U2SURP: variants seen among roughly 807,000 people sequenced by gnomAD.
U2SURP encodes U2 snRNP associated SURP domain containing, also known as U2 snRNP-associated SURP motif-containing protein.
U2SURP carries 9 observed loss-of-function variants against 144.9 expected under a neutral mutation model. The ratio of observed to expected loss-of-function variants is 0.06; its 90% confidence interval spans 0.04 to 0.11. The LOEUF is 0.11. Ranked by LOEUF, U2SURP falls within the 10% of genes least tolerant of loss-of-function variation. U2SURP has a pLI of 1.00. For missense variants in U2SURP, 724 were observed against 1,226.7 expected (o/e 0.59, Z 6.12); for synonymous variants, 408 against 396.8 (o/e 1.03, Z -0.33).
chr3:143,051,138 A>G, intron 25 of U2SURP, 89 bp downstream of exon 25: 1 of 727,936 alleles, frequency 1.4e-6, no homozygotes, highest in Non-Finnish European at 2.2e-6. Flanking sequence ...GATGATTTCA[A>G]ATTATATCCT....
chr3:143,032,851 A>G lies in U2SURP; in HGVS notation c.1678A>G (p.Met560Val), dbSNP rs1933585976. 1 of 1,613,708 alleles carries G rather than the reference A, an allele frequency of 6.2e-7. No homozygotes were observed. Among genetic ancestry groups the G allele is most frequent in the Non-Finnish European group, 8.5e-7 (1 of 1,179,720 alleles). The change falls in exon 17 of 28, where the codon ATG becomes GTG. Residue 560 changes from methionine (M) to valine (V), a missense_variant. Coordinates refer to ENST00000473835, the MANE Select transcript of U2SURP (RefSeq NM_001080415.2). Reference sequence around the variant, plus strand: ...AAGGAAAAATGATATTGGAGATGCAATGGTTTTCTGTCTTAATAATGCTGA... The same window carrying G: ...AAGGAAAAATGATATTGGAGATGCAGTGGTTTTCTGTCTTAATAATGCTGA... ...TPRKNDIGDA[M>V]VFCLNNAEAA...
rs1474969079 is a variant in U2SURP at position 143,058,654 on chromosome 3, A to G, written c.*2204A>G. The stretch of plus-strand genomic sequence containing the variant: ...ATGACAAATTACCTAGAGTAAACCT[A>G]CTTAATACTCCCATGGATTCTATGA... On this transcript the variant is annotated 3_prime_UTR_variant, in exon 28 of 28. Coordinates refer to ENST00000473835, the MANE Select transcript of U2SURP (RefSeq NM_001080415.2). The G allele has an allele frequency of 6.6e-6, 1 of 151,850 alleles. No individual in the cohort carries two copies. The highest frequency in any genetic ancestry group is 2.4e-5 in the African/African-American group (1 of 41,426). The allele number at this position is 151,850 out of a possible 1,614,324, so 9.4% of individuals were successfully genotyped here. A position where few individuals can be genotyped will look rare whatever the true frequency, so the allele number is the denominator to read the frequency against.
intron 20 of U2SURP, 149 bp from the exon 21 acceptor site, chr3:143,037,030 C>T: frequency 1.4e-6 from 1 of 738,502 alleles, no homozygotes; most frequent in Non-Finnish European, 2.1e-6. Context: ...GCTTCTTTAG[C>T]AAACTGGATG....
chr3:143,007,799 G>T (rs1433436214), intron 1 of U2SURP, among the ~76,000 whole-genome samples: 1 of 152,262 alleles, frequency 6.6e-6, no homozygotes, highest in East Asian at 1.9e-4. Flanking sequence ...AAAATAAAAA[G>T]CCAAACTCAA....
intron 23 of U2SURP, among the ~76,000 whole-genome samples, chr3:143,040,937 C>G (rs72990813): frequency 6.6e-6 from 1 of 151,674 alleles, no homozygotes; most frequent in Non-Finnish European, 1.5e-5. Context: ...TTCTGTGACA[C>G]GTTTTTCATT....
chr3:143,036,178 G>T, intron 20 of U2SURP, 74 bp downstream of exon 20: 1 of 1,445,310 alleles, frequency 6.9e-7, no homozygotes. Context: ...GTTGTTCTGT[G>T]TTACATATGT....
In U2SURP at chr3:143,055,112, G is replaced by A. The variant is rs1184091835; in HGVS notation, c.2944G>A (p.Ala982Thr). The change falls in exon 27 of 28, where the codon GCC becomes ACC. Residue 982 changes from alanine to threonine, a missense_variant. Around this residue, in one of 13 missense-constraint regions of U2SURP, gnomAD observed 129 missense variants for 196.1 expected, o/e 0.66. Coordinates refer to ENST00000473835, the MANE Select transcript of U2SURP (RefSeq NM_001080415.2). The stretch of plus-strand genomic sequence containing the variant: ...TTCTCCTAGAGATGTTAGCAAAAAA[G>A]CCAAAAGGTAAATGCAAGTCATTTT... ...KDSPRDVSKKAKRSPSGSRTP... is the reference protein window; with the variant it reads ...KDSPRDVSKKTKRSPSGSRTP... 6.3e-7 allele frequency: 1 copy of A among 1,589,040 alleles called. No homozygotes were observed. Among genetic ancestry groups the A allele is most frequent in the Admixed American group, 1.8e-5 (1 of 54,958 alleles).
In U2SURP at chr3:143,001,599, G is replaced by A; in HGVS notation, c.-30G>A. On this transcript the variant is annotated 5_prime_UTR_variant, in exon 1 of 28. Transcript: ENST00000473835. ...CGGTGCTCGACTCGCCCGTGCTGCT[G>A]CCGCCGCCGAAGGAGGGGCAAAGCT... 6.2e-7 allele frequency: 1 copy of A among 1,613,322 alleles called. No individual in the cohort carries two copies. Among genetic ancestry groups the A allele is most frequent in the Non-Finnish European group, 8.5e-7 (1 of 1,179,656 alleles).
rs1320654013 is a variant in U2SURP at position 143,047,040 on chromosome 3, C to T, written c.2544+3764C>T. Among the ~76,000 whole-genome samples, 35 of 125,994 alleles carry T rather than the reference C, an allele frequency of 2.8e-4. 1 individual carries two copies. The highest frequency in any genetic ancestry group is 2.4e-3 in the South Asian group (9 of 3,820). 82.7% of individuals were successfully genotyped at this position (125,994 alleles called of 152,430 possible). A position where few individuals can be genotyped will look rare whatever the true frequency, so the allele number is the denominator to read the frequency against. ...CTCCTGGATGGGGCGGCTGGCCAGG[C>T]GGGGGACTGACCCCCCCACCTCCCT... On this transcript the variant is annotated intron_variant, in intron 24 of 27. Transcript: ENST00000473835.
rs1172710210 is a variant in U2SURP at position 143,058,983 on chromosome 3, T to C, written c.*2533T>C. The C allele has an allele frequency of 3.9e-5, 6 of 151,910 alleles. No homozygotes were observed. Among genetic ancestry groups the C allele is most frequent in the Non-Finnish European group, 7.4e-5 (5 of 67,796 alleles). The allele number at this position is 151,910 out of a possible 1,614,324, so 9.4% of individuals were successfully genotyped here. A position where few individuals can be genotyped will look rare whatever the true frequency, so the allele number is the denominator to read the frequency against. The stretch of plus-strand genomic sequence containing the variant: ...TTAATGTTTATACACAGGGATTGTT[T>C]ACTAGGTTAATGACATTTAACTCCC... On this transcript the variant is annotated 3_prime_UTR_variant, in exon 28 of 28. Transcript: ENST00000473835.
Position 143,008,923 on chromosome 3 carries a change from AT to A in U2SURP, c.46-1887del, listed in dbSNP as rs1485588350. ...CTACAGGCGCCTGGCTAATTTTTGTATTTTTAGTAGAGATGGGGTTTCACCA... is the reference window on the plus strand; with the variant it reads ...CTACAGGCGCCTGGCTAATTTTTGTATTTTAGTAGAGATGGGGTTTCACCA... On this transcript the variant is annotated intron_variant, in intron 1 of 27. Coordinates refer to ENST00000473835, the MANE Select transcript of U2SURP (RefSeq NM_001080415.2). Among the ~76,000 whole-genome samples the A allele has an allele frequency of 2.0e-5, 3 of 151,998 alleles. No individual in the cohort carries two copies. In the East Asian group the frequency reaches 5.8e-4, roughly 30 times the overall value.
Position 143,056,567 on chromosome 3 carries a change from T to C in U2SURP, c.*117T>C. 1 of 1,247,222 alleles carries C rather than the reference T, an allele frequency of 8.0e-7. No homozygotes were observed. The highest frequency in any genetic ancestry group is 1.1e-6 in the Non-Finnish European group (1 of 908,964). The allele number at this position is 1,247,222 out of a possible 1,614,324, so 77.3% of individuals were successfully genotyped here. A position where few individuals can be genotyped will look rare whatever the true frequency, so the allele number is the denominator to read the frequency against. ...AAGAGCATTCCTGGGGTTTTTTGTT[T>C]GTTTGTGTATGCATGTGTAAACTCA... On this transcript the variant is annotated 3_prime_UTR_variant, in exon 28 of 28. Transcript: ENST00000473835.
chr3:143,054,020 T>G (rs1315646806), intron 26 of U2SURP, among the ~76,000 whole-genome samples: 1 of 152,210 alleles, frequency 6.6e-6, no homozygotes, highest in African/African-American at 2.4e-5. Flanking sequence ...TATGGTATCC[T>G]TAGCCTTAGT....
chr3:143,029,552 C>T (rs1384007283), intron 16 of U2SURP, among the ~76,000 whole-genome samples: 1 of 152,208 alleles, frequency 6.6e-6, no homozygotes, highest in Non-Finnish European at 1.5e-5. Context: ...CAGTGACTAG[C>T]TGTTTTCCCT....
rs1305889258 is a variant in U2SURP, at chr3:143,057,672, G to C, written c.*1222G>C. 6.6e-6 allele frequency: 1 copy of C among 151,156 alleles called. No homozygotes were observed. Among genetic ancestry groups the C allele is most frequent in the Non-Finnish European group, 1.5e-5 (1 of 67,702 alleles). The allele number at this position is 151,156 out of a possible 1,614,324, so 9.4% of individuals were successfully genotyped here. On this transcript the variant is annotated 3_prime_UTR_variant, in exon 28 of 28. Transcript: ENST00000473835. ...ACTGACACTATTATTTGTGAATCTT[G>C]ATTTCAGTTTTTTATGTAGGCACTT...
chr3:143,053,865 A>T, intron 26 of U2SURP, 71 bp downstream of exon 26: 1 of 1,241,090 alleles, frequency 8.1e-7, no homozygotes, highest in Non-Finnish European at 1.1e-6. Flanking sequence ...TAATACTTTC[A>T]TCATTGATGC....
intron 23 of U2SURP, among the ~76,000 whole-genome samples, chr3:143,040,531 T>A (rs951033845): frequency 6.6e-6 from 1 of 151,884 alleles, no homozygotes; most frequent in Non-Finnish European, 1.5e-5. Flanking sequence ...TTTGTGGCAA[T>A]ATTGTGATTC....
chr3:143,008,420 T>C (rs899450722), intron 1 of U2SURP, among the ~76,000 whole-genome samples: 1 of 152,258 alleles, frequency 6.6e-6, no homozygotes, highest in African/African-American at 2.4e-5. Flanking sequence ...TGCTTATTCT[T>C]TCTGGGTGAA....
intron 24 of U2SURP, among the ~76,000 whole-genome samples, chr3:143,047,783 G>T (rs555182185): frequency 1.2e-5 from 1 of 80,108 alleles, no homozygotes; most frequent in African/African-American, 4.7e-5. Flanking sequence ...TGAACGGGGC[G>T]ACTGGCCGGG....
Sources: gnomAD v4.1 joint callset for allele counts (sites outside exome capture counted in the v4.1 genomes callset) on GRCh38, gnomAD v4.1.1 for gene constraint, gnomAD v4.1.1 regional missense constraint, MANE v1.5 for transcripts, NCBI Gene and HGNC (gene_info 2026-07-23, HGNC 2026-07-21) for gene names.